Variants in PPP3CA observed in about 807,000 individuals in gnomAD.
PPP3CA encodes protein phosphatase 3 catalytic subunit alpha.
A neutral mutation model predicts 66.5 loss-of-function variants in PPP3CA; 14 were observed. The observed-to-expected ratio is 0.21, with a 90% confidence interval of 0.14 to 0.33. The LOEUF is 0.33. Among genes scored for constraint, PPP3CA ranks in the 10% least tolerant of loss-of-function variants. PPP3CA has a pLI of 1.00. For missense variants in PPP3CA, 317 were observed against 639.5 expected (o/e 0.50, Z 5.44); for synonymous variants, 232 against 226.2 (o/e 1.03, Z -0.23).
At chr4:101,119,659 T>C (rs1479117849) in intron 2 of PPP3CA, among the ~76,000 whole-genome samples, 1 of 152,144 alleles carries the variant, frequency 6.6e-6, no homozygotes, top group Non-Finnish European at 1.5e-5. Context: ...AAGGATTATT[T>C]TGTTTTTAAT....
chr4:101,325,454 G>A (rs1339446521), intron 1 of PPP3CA, among the ~76,000 whole-genome samples: 1 of 152,064 alleles, frequency 6.6e-6, no homozygotes, highest in Non-Finnish European at 1.5e-5. Flanking sequence ...AAAGCAATGT[G>A]GAATATTTCA....
At chr4:101,107,062 T>C (rs1419664712) in intron 3 of PPP3CA, among the ~76,000 whole-genome samples, 4 of 152,186 alleles carry the variant, frequency 2.6e-5, no homozygotes, top group African/African-American at 7.2e-5. Flanking sequence ...TCAGTTAAGC[T>C]GGTCAGGCTG....
intron 2 of PPP3CA, among the ~76,000 whole-genome samples, chr4:101,151,442 C>T (rs1228384080): frequency 6.6e-6 from 1 of 151,314 alleles, no homozygotes; most frequent in Non-Finnish European, 1.5e-5. Flanking sequence ...CTCCTGTAGT[C>T]CCAGCTACTC....
chr4:101,205,486 T>C (rs550753961), intron 1 of PPP3CA, among the ~76,000 whole-genome samples: 14 of 152,254 alleles, frequency 9.2e-5, no homozygotes, highest in African/African-American at 2.6e-4. Context: ...CACTATAAAT[T>C]TTAGAAACCT....
At chr4:101,055,694 CT>C (rs1174937739) in intron 10 of PPP3CA, among the ~76,000 whole-genome samples, 116 of 152,146 alleles carry the variant, frequency 7.6e-4, no homozygotes, top group African/African-American at 2.7e-3. Flanking sequence ...GACTTTTTGT[CT>C]GCTCAGATAC....
chr4:101,075,768 G>T (rs138579187), intron 8 of PPP3CA, among the ~76,000 whole-genome samples: 1,981 of 152,098 alleles, frequency 0.013, 46 homozygotes, highest in African/African-American at 0.046. Context: ...TCCCCAATTA[G>T]TCCCCATAGA....
intron 11 of PPP3CA, among the ~76,000 whole-genome samples, chr4:101,034,779 C>A (rs1305557168): frequency 1.3e-5 from 2 of 152,094 alleles, no homozygotes; most frequent in African/African-American, 4.8e-5. Context: ...ACTTTTTAAG[C>A]TTCTGTGGTC....
chr4:101,111,151 T>C (rs950882807), intron 2 of PPP3CA, among the ~76,000 whole-genome samples: 8 of 152,136 alleles, frequency 5.3e-5, no homozygotes, highest in East Asian at 1.9e-4. Context: ...TCTCAAATTG[T>C]AGGAAACTTT....
chr4:101,233,026 GCTTTA>G (rs1391297494), intron 1 of PPP3CA, among the ~76,000 whole-genome samples: 1 of 95,556 alleles, frequency 1.0e-5, no homozygotes, highest in Non-Finnish European at 3.3e-5. Context: ...ATGAGATTTT[GCTTTA>G]CTTTGTTTTT....
rs765187003 is a variant in PPP3CA at position 101,235,425 on chromosome 4, ATACACT to A, written c.59-39315_59-39310del. ...GCATAAACAATATCAGAACCTAAAC[ATACACT>A]CACACACACACACACACACACACAG... On this transcript the variant is annotated intron_variant, in intron 1 of 13. Transcript: ENST00000394854. Among the ~76,000 whole-genome samples the A allele has an allele frequency of 9.7e-3, 713 of 73,528 alleles. 3 individuals are homozygous for A. Among genetic ancestry groups the A allele is most frequent in the Non-Finnish European group, 0.017 (557 of 32,320 alleles). The allele number at this position is 73,528 out of a possible 152,430, so 48.2% of individuals were successfully genotyped here. A position where few individuals can be genotyped will look rare whatever the true frequency, so the allele number is the denominator to read the frequency against.
chr4:101,321,700 A>G (rs1274566101), intron 1 of PPP3CA, among the ~76,000 whole-genome samples: 1 of 152,226 alleles, frequency 6.6e-6, no homozygotes, highest in East Asian at 1.9e-4. Flanking sequence ...AGATGGGAAT[A>G]ACAAATGAAG....
chr4:101,041,710 A>G (rs1056565888), intron 10 of PPP3CA, among the ~76,000 whole-genome samples: 2 of 152,128 alleles, frequency 1.3e-5, no homozygotes, highest in African/African-American at 4.8e-5. Flanking sequence ...CTGGGATTAC[A>G]AGTGTGAGCC....
rs777517347 is a variant in PPP3CA at position 101,312,410 on chromosome 4, T to C, written c.58+34329A>G. 1.2e-3 allele frequency among the ~76,000 whole-genome samples: 183 copies of C among 152,082 alleles called. 1 individual carries two copies. The highest frequency in any genetic ancestry group is 1.7e-3 in the Non-Finnish European group (114 of 67,938). Reference sequence around the variant, plus strand: ...AAGACATATATAGAAAGCTGGAACTTATTAAACATTATTTTTTATTAAATA... The same window carrying C: ...AAGACATATATAGAAAGCTGGAACTCATTAAACATTATTTTTTATTAAATA... On this transcript the variant is annotated intron_variant, in intron 1 of 13. Coordinates refer to ENST00000394854, the MANE Select transcript of PPP3CA (RefSeq NM_000944.5).
chr4:101,303,465 C>A (rs938223852), intron 1 of PPP3CA, among the ~76,000 whole-genome samples: 3 of 152,036 alleles, frequency 2.0e-5, no homozygotes, highest in African/African-American at 7.2e-5. Context: ...ACTTTCTTTG[C>A]TCACTTCAAA....
intron 1 of PPP3CA, among the ~76,000 whole-genome samples, chr4:101,204,181 A>AT (rs1169893899): frequency 1.3e-5 from 2 of 151,716 alleles, no homozygotes; most frequent in Non-Finnish European, 2.9e-5. Flanking sequence ...AATTTTTTTA[A>AT]TTTTTTGTAG....
rs75217880 is a variant in PPP3CA at position 101,333,320 on chromosome 4, G to A, written c.58+13419C>T. Among the ~76,000 whole-genome samples the A allele has an allele frequency of 3.0e-3, 287 of 97,244 alleles. 5 individuals carry two copies. Among genetic ancestry groups the A allele is most frequent in the Admixed American group, 0.012 (96 of 7,980 alleles). The allele number at this position is 97,244 out of a possible 152,430, so 63.8% of individuals were successfully genotyped here. A position where few individuals can be genotyped will look rare whatever the true frequency, so the allele number is the denominator to read the frequency against. ...TTTTTTTTTTTTTTTGTAGAGATGA[G>A]GTCTCACTATGATGTCCAGGCTGGT... On this transcript the variant is annotated intron_variant, in intron 1 of 13. Coordinates refer to ENST00000394854, the MANE Select transcript of PPP3CA (RefSeq NM_000944.5).
chr4:101,255,023 T>C (rs184025432), intron 1 of PPP3CA, among the ~76,000 whole-genome samples: 5 of 126,840 alleles, frequency 3.9e-5, no homozygotes, highest in Admixed American at 8.7e-5. Flanking sequence ...ATAAGAAGCA[T>C]GAGTCCCGTC....
intron 2 of PPP3CA, among the ~76,000 whole-genome samples, chr4:101,137,119 G>C (rs953228866): frequency 2.0e-5 from 3 of 152,104 alleles, no homozygotes; most frequent in South Asian, 2.1e-4. Flanking sequence ...TTCCTTGACT[G>C]TAAGAGAGGT....
chr4:101,129,197 A>AT (rs756223633), intron 2 of PPP3CA, among the ~76,000 whole-genome samples: 1 of 152,082 alleles, frequency 6.6e-6, no homozygotes, highest in Non-Finnish European at 1.5e-5. Flanking sequence ...GCCTCTCTAG[A>AT]TTCCTCCTCT....
Sources: allele counts gnomAD v4.1 joint callset (sites outside exome capture counted in the v4.1 genomes callset), GRCh38; gene constraint gnomAD v4.1.1; transcripts MANE v1.5; gene names NCBI Gene and HGNC (gene_info 2026-07-23, HGNC 2026-07-21).